Variants in PLXNA4 observed in about 807,000 individuals in gnomAD.
The protein encoded by PLXNA4 is plexin-A4.
A neutral mutation model predicts 191.8 loss-of-function variants in PLXNA4; 44 were observed. The ratio of observed to expected loss-of-function variants is 0.23; its 90% CI spans 0.18 to 0.29. The LOEUF (loss-of-function observed/expected upper bound fraction) is 0.29, where lower values mean the gene tolerates loss of function less well. PLXNA4 is among the 10% of genes least tolerant of loss of function. The pLI, the probability that PLXNA4 is intolerant of heterozygous loss-of-function variation, is 1.00. For synonymous variants in PLXNA4, 1,082 were observed against 1,009.5 expected (o/e 1.07, Z -1.36); for missense variants, 1,800 against 2,488.8 (o/e 0.72, Z 5.89).
At chr7:132,575,879 C>T (rs1023013791) in intron 1 of PLXNA4, among the ~76,000 whole-genome samples, 1 of 152,182 alleles carries the variant, frequency 6.6e-6, no homozygotes, top group African/African-American at 2.4e-5. Context: ...GCCTATCTGG[C>T]CTCCTCCCCG....
At chr7:132,479,975 A>G (rs1252756596) in intron 3 of PLXNA4, among the ~76,000 whole-genome samples, 1 of 152,082 alleles carries the variant, frequency 6.6e-6, no homozygotes, top group African/African-American at 2.4e-5. Context: ...ATTTTTTTAA[A>G]AAGAGGTTTG....
chr7:132,244,406 G>T (rs915491434), intron 4 of PLXNA4, among the ~76,000 whole-genome samples: 1 of 152,168 alleles, frequency 6.6e-6, no homozygotes, highest in African/African-American at 2.4e-5. Context: ...GGCAGCTAGA[G>T]CTTTCTCATC....
intron 3 of PLXNA4, among the ~76,000 whole-genome samples, chr7:132,438,089 G>T (rs1248747990): frequency 6.6e-6 from 1 of 152,200 alleles, no homozygotes; most frequent in Non-Finnish European, 1.5e-5. Flanking sequence ...TACACCCTAT[G>T]CAGGAAAACC....
intron 3 of PLXNA4, among the ~76,000 whole-genome samples, chr7:132,375,682 TC>T (rs1804632811): frequency 6.6e-6 from 1 of 151,790 alleles, no homozygotes; most frequent in Non-Finnish European, 1.5e-5. Context: ...GAAGGACAGA[TC>T]AAAAAAGGCT....
Position 132,126,034 on chromosome 7 carries a change from C to T in PLXNA4, c.*4445G>A, listed in dbSNP as rs922241227. On this transcript the variant is annotated 3_prime_UTR_variant, in exon 32 of 32. Transcript: ENST00000321063. ...GGTTTGTCCTTGACTGATAACAATA[C>T]TGGCCCTTTGCTCGGTTAAGTATTT... 1.3e-5 allele frequency: 2 copies of T among 152,300 alleles called. No individual in the cohort carries two copies. The highest frequency in any genetic ancestry group is 1.3e-4 in the Admixed American group (2 of 15,288). 9.4% of individuals were successfully genotyped at this position (152,300 alleles called of 1,614,324 possible).
intron 4 of PLXNA4, among the ~76,000 whole-genome samples, chr7:132,281,863 C>T (rs1414036157): frequency 2.6e-5 from 4 of 152,144 alleles, no homozygotes; most frequent in Non-Finnish European, 4.4e-5. Flanking sequence ...AAAAAATTTC[C>T]GTGGTCACTT....
intron 20 of PLXNA4, among the ~76,000 whole-genome samples, chr7:132,177,158 T>C (rs1338915947): frequency 6.6e-6 from 1 of 151,478 alleles, no homozygotes; most frequent in Non-Finnish European, 1.5e-5. Flanking sequence ...GGCATGTATG[T>C]GTGAGTGCAC....
chr7:132,174,880 A>G lies in PLXNA4; in HGVS notation c.3915T>C (p.Ser1305=). 6.2e-7 allele frequency: 1 copy of G among 1,614,206 alleles called. No individual in the cohort carries two copies. Among genetic ancestry groups the G allele is most frequent in the East Asian group, 2.2e-5 (1 of 44,882 alleles). Residue 1305 remains serine (S), a synonymous_variant, in exon 21 of 32, where the codon AGT becomes AGC. Coordinates refer to ENST00000321063, the MANE Select transcript of PLXNA4 (RefSeq NM_020911.2). ...ACGGAATCCCGGCTCCATCCAGGTC[A>G]CTGGTCAGCTCATGGATGTCCGTCT... is the stretch of plus-strand genomic sequence containing the variant. ...ELQTDIHELT[S]DLDGAGIPFL...
At chr7:132,272,033 G>C (rs770309680) in intron 4 of PLXNA4, among the ~76,000 whole-genome samples, 5 of 152,100 alleles carry the variant, frequency 3.3e-5, no homozygotes, top group African/African-American at 7.2e-5. Flanking sequence ...CAGAGCACAG[G>C]GGGAAGACAC....
chr7:132,542,177 A>G (rs1433324073), intron 1 of PLXNA4, among the ~76,000 whole-genome samples: 2 of 152,204 alleles, frequency 1.3e-5, no homozygotes, highest in African/African-American at 2.4e-5. Context: ...GGTGCCCAGG[A>G]CAGTGCCTGG....
At chr7:132,604,283 AC>A (rs2116844297) in intron 2 of PLXNA4, among the ~76,000 whole-genome samples, 1 of 152,210 alleles carries the variant, frequency 6.6e-6, no homozygotes, top group East Asian at 1.9e-4. Context: ...GCTGATGGGG[AC>A]CCTGTGCTCT....
Position 132,125,054 on chromosome 7 carries a change from C to T in PLXNA4, c.*5425G>A, listed in dbSNP as rs1259091168. On this transcript the variant is annotated 3_prime_UTR_variant, in exon 32 of 32. Coordinates refer to ENST00000321063, the MANE Select transcript of PLXNA4 (RefSeq NM_020911.2). ...TTTGTAGTAAAAAAAAAAAAACTCT[C>T]TCTTGCATGTCTGAAACTTTTACTG... is the stretch of plus-strand genomic sequence containing the variant. 1.3e-5 allele frequency: 2 copies of T among 151,916 alleles called. No individual in the cohort carries two copies. Among genetic ancestry groups the T allele is most frequent in the African/African-American group, 2.4e-5 (1 of 41,364 alleles). The allele number at this position is 151,916 out of a possible 1,614,324, so 9.4% of individuals were successfully genotyped here.
intron 1 of PLXNA4, among the ~76,000 whole-genome samples, chr7:132,563,961 A>C (rs1253147216): frequency 0.025 from 624 of 24,662 alleles, no homozygotes; most frequent in Middle Eastern, 0.038. Context: ...TTTCCTCCCC[A>C]TTCTTTCTCC....
intron 2 of PLXNA4, among the ~76,000 whole-genome samples, chr7:132,598,096 A>G (rs1278382280): frequency 6.6e-6 from 1 of 152,136 alleles, no homozygotes; most frequent in East Asian, 1.9e-4. Flanking sequence ...GTCTACGACA[A>G]AATATATATT....
intron 3 of PLXNA4, among the ~76,000 whole-genome samples, chr7:132,457,707 G>T (rs1439587099): frequency 6.6e-6 from 1 of 152,198 alleles, no homozygotes; most frequent in African/African-American, 2.4e-5. Flanking sequence ...AAATGCAATT[G>T]CAAGTATTCT....
intron 4 of PLXNA4, among the ~76,000 whole-genome samples, chr7:132,282,464 C>T (rs1433432269): frequency 6.6e-6 from 1 of 151,442 alleles, no homozygotes; most frequent in African/African-American, 2.4e-5. Flanking sequence ...CCCTGCATGC[C>T]CTGATGCACA....
At chr7:132,214,386 G>A (rs377346423) in intron 9 of PLXNA4, among the ~76,000 whole-genome samples, 2 of 152,204 alleles carry the variant, frequency 1.3e-5, no homozygotes, top group East Asian at 3.8e-4. Flanking sequence ...GCAGCTCTGA[G>A]AGTAAGTTCA....
intron 3 of PLXNA4, among the ~76,000 whole-genome samples, chr7:132,444,636 C>A (rs1298821035): frequency 2.6e-5 from 4 of 152,144 alleles, no homozygotes; most frequent in Non-Finnish European, 5.9e-5. Flanking sequence ...GTTCCAGTAA[C>A]CCCAGGCAGC....
intron 3 of PLXNA4, among the ~76,000 whole-genome samples, chr7:132,423,129 C>T (rs2117153791): frequency 1.3e-5 from 2 of 152,376 alleles, no homozygotes; most frequent in South Asian, 4.1e-4. Flanking sequence ...TGTGCGAACA[C>T]CGTGGAATTA....
Sources: gnomAD v4.1 joint callset for allele counts (sites outside exome capture counted in the v4.1 genomes callset) on GRCh38, gnomAD v4.1.1 for gene constraint, MANE v1.5 for transcripts, NCBI Gene and HGNC (gene_info 2026-07-23, HGNC 2026-07-21) for gene names.